GSE1: variants seen among roughly 807,000 people sequenced by gnomAD.
The protein encoded by GSE1 is Gse1 coiled-coil protein.
GSE1 carries 32 observed loss-of-function variants against 112.6 expected under a neutral mutation model. That is an observed-to-expected ratio of 0.28 (90% confidence interval 0.21 to 0.38). GSE1 has a LOEUF of 0.38. Among genes scored for constraint, GSE1 ranks in the 10% least tolerant of loss-of-function variants. GSE1 has a pLI of 1.00. For missense variants in GSE1, 2,348 were observed against 1,699.2 expected (o/e 1.38, Z -6.71); for synonymous variants, 1,115 against 735.6 (o/e 1.52, Z -8.35).
At chr16:85,222,851 C>T (rs771956631) in intron 1 of GSE1, among the ~76,000 whole-genome samples, 5 of 152,154 alleles carry the variant, frequency 3.3e-5, no homozygotes, top group East Asian at 1.9e-4. Context: ...TGGATCCATG[C>T]GGAGCTTCCT....
At chr16:85,291,784 C>T (rs1001705297) in intron 1 of GSE1, among the ~76,000 whole-genome samples, 5 of 152,220 alleles carry the variant, frequency 3.3e-5, no homozygotes, top group South Asian at 2.1e-4. Context: ...CAGGCCTCTC[C>T]GTGGGGCCCA....
intron 1 of GSE1, among the ~76,000 whole-genome samples, chr16:85,563,587 T>G (rs2045617585): frequency 6.6e-6 from 1 of 152,204 alleles, no homozygotes; most frequent in Non-Finnish European, 1.5e-5. Flanking sequence ...CACCCCATTC[T>G]GGAGCTCAGC....
intron 1 of GSE1, among the ~76,000 whole-genome samples, chr16:85,631,551 A>G (rs2049540928): frequency 6.6e-6 from 1 of 152,170 alleles, no homozygotes; most frequent in Non-Finnish European, 1.5e-5. Flanking sequence ...ATTTGCTGAG[A>G]CACCTGCGTG....
intron 1 of GSE1, among the ~76,000 whole-genome samples, chr16:85,196,849 A>C (rs1048097502): frequency 5.3e-5 from 8 of 151,854 alleles, no homozygotes; most frequent in African/African-American, 1.9e-4. Context: ...TATTAAGATC[A>C]GCAGAATCCA....
At chr16:85,245,559 GC>G (rs2143965667) in intron 1 of GSE1, among the ~76,000 whole-genome samples, 1 of 152,160 alleles carries the variant, frequency 6.6e-6, no homozygotes, top group Non-Finnish European at 1.5e-5. Flanking sequence ...CTCTTTTCTT[GC>G]CCCTTTTGAT....
At chr16:85,316,631 G>A (rs2045991259) in intron 1 of GSE1, among the ~76,000 whole-genome samples, 1 of 152,204 alleles carries the variant, frequency 6.6e-6, no homozygotes, top group South Asian at 2.1e-4. Flanking sequence ...TGCCCTCCAC[G>A]GACCAGGCCA....
At chr16:85,631,008 C>G (rs1294322137) in intron 1 of GSE1, among the ~76,000 whole-genome samples, 1 of 151,358 alleles carries the variant, frequency 6.6e-6, no homozygotes, top group Non-Finnish European at 1.5e-5. Context: ...TGCAGTATCC[C>G]CTGGGGGGGT....
At chr16:85,392,749 T>C (rs561543375) in intron 2 of GSE1, among the ~76,000 whole-genome samples, 8 of 152,312 alleles carry the variant, frequency 5.3e-5, no homozygotes, top group Admixed American at 2.6e-4. Context: ...CCAGGACTTG[T>C]GGAAGGGACT....
intron 1 of GSE1, among the ~76,000 whole-genome samples, chr16:85,614,363 A>T (rs1012139501): frequency 4.0e-5 from 6 of 151,346 alleles, no homozygotes; most frequent in South Asian, 2.1e-4. Flanking sequence ...AATTCCCTTC[A>T]TGGAGGCGGA....
intron 2 of GSE1, among the ~76,000 whole-genome samples, chr16:85,420,346 G>A (rs117260230): frequency 5.9e-5 from 9 of 152,292 alleles, no homozygotes; most frequent in Non-Finnish European, 7.4e-5. Flanking sequence ...GTCCAGGATC[G>A]TGAGGGAACG....
intron 2 of GSE1, among the ~76,000 whole-genome samples, chr16:85,437,226 G>C (rs943326931): frequency 6.6e-6 from 1 of 152,178 alleles, no homozygotes; most frequent in African/African-American, 2.4e-5. Context: ...TCCCCAAGGA[G>C]GCTCCTGGGG....
chr16:85,332,368 C>T (rs984810308), intron 1 of GSE1, among the ~76,000 whole-genome samples: 3 of 152,226 alleles, frequency 2.0e-5, no homozygotes, highest in African/African-American at 7.2e-5. Context: ...CGAGCATGCA[C>T]TGCAGGTGCT....
At chr16:85,328,489 T>C (rs1045246473) in intron 1 of GSE1, among the ~76,000 whole-genome samples, 1 of 152,148 alleles carries the variant, frequency 6.6e-6, no homozygotes, top group Non-Finnish European at 1.5e-5. Context: ...CACTCCAGGC[T>C]CCTTTCAAGC....
At chr16:85,270,043 T>G (rs9888945) in intron 1 of GSE1, among the ~76,000 whole-genome samples, 73,983 of 148,324 alleles carry the variant, frequency 0.5, 21,794 homozygotes, top group African/African-American at 0.62. Context: ...CAAATCCAAG[T>G]CTGCTGGACT....
intron 1 of GSE1, among the ~76,000 whole-genome samples, chr16:85,597,842 G>A (rs1453696899): frequency 2.6e-5 from 4 of 152,144 alleles, no homozygotes; most frequent in Admixed American, 6.5e-5. Flanking sequence ...TTTTGCATTC[G>A]CTCTGTAGGA....
chr16:85,345,793 C>T (rs961314916), intron 1 of GSE1, among the ~76,000 whole-genome samples: 2 of 152,218 alleles, frequency 1.3e-5, no homozygotes, highest in African/African-American at 4.8e-5. Flanking sequence ...TGCTACATCC[C>T]AGGCACAGAG....
At chr16:85,228,472 C>T (rs1182377192) in intron 1 of GSE1, among the ~76,000 whole-genome samples, 2 of 152,186 alleles carry the variant, frequency 1.3e-5, no homozygotes, top group African/African-American at 4.8e-5. Flanking sequence ...TGGGTTTGAA[C>T]CCCCACCCTG....
intron 1 of GSE1, among the ~76,000 whole-genome samples, chr16:85,247,426 G>A (rs1201421575): frequency 6.6e-6 from 1 of 152,244 alleles, no homozygotes; most frequent in Non-Finnish European, 1.5e-5. Context: ...TTGGAGGACT[G>A]TACAGGCTCC....
chr16:85,241,938 G>A (rs1482766852), intron 1 of GSE1, among the ~76,000 whole-genome samples: 1 of 152,026 alleles, frequency 6.6e-6, no homozygotes, highest in Non-Finnish European at 1.5e-5. Flanking sequence ...AGGGGAGGGA[G>A]CTGGCCCCTC....
Sources: gnomAD v4.1 joint callset for allele counts (sites outside exome capture counted in the v4.1 genomes callset) on GRCh38, gnomAD v4.1.1 for gene constraint, MANE v1.5 for transcripts, NCBI Gene and HGNC (gene_info 2026-07-23, HGNC 2026-07-21) for gene names.